The following ANKRD22 variants were observed in gnomAD, a reference collection of about 807,000 sequenced individuals.
ANKRD22 encodes ankyrin repeat domain-containing protein 22.
Under a neutral mutation model 25.7 loss-of-function variants are expected in ANKRD22, and 24 were observed. That is an observed-to-expected ratio of 0.93 (90% CI 0.68 to 1.31). The LOEUF (loss-of-function observed/expected upper bound fraction) is 1.31, where lower values mean the gene tolerates loss of function less well. Among genes scored for constraint, ANKRD22 ranks in the 50% most tolerant of loss-of-function variants. The pLI, the probability that ANKRD22 is intolerant of heterozygous loss-of-function variation, is 0.00. For missense variants in ANKRD22, 214 were observed against 227.1 expected (o/e 0.94, Z 0.37); for synonymous variants, 84 against 84.3 (o/e 1.00, Z 0.02).
In ANKRD22 at chr10:88,820,237, T is replaced by C. The variant is rs1387419840; in HGVS notation, c.*2704A>G. Reference sequence around the variant, plus strand: ...GAACTATTCCTTTTCTCTAGCCAACTCCTGTAAGGTACAGAGTCAGAGATA... The same window carrying C: ...GAACTATTCCTTTTCTCTAGCCAACCCCTGTAAGGTACAGAGTCAGAGATA... On this transcript the variant is annotated 3_prime_UTR_variant, in exon 6 of 6. Transcript: ENST00000371930. 35 of 1,549,960 alleles carry C rather than the reference T, an allele frequency of 2.3e-5. No homozygotes were observed. The highest frequency in any genetic ancestry group is 2.9e-5 in the Non-Finnish European group (33 of 1,146,498).
chr10:88,823,010 C>A lies in ANKRD22; in HGVS notation c.507G>T (p.Glu169Asp), dbSNP rs147322041. 56 of 1,613,276 alleles carry A rather than the reference C, an allele frequency of 3.5e-5. No homozygotes were observed. In the African/African-American group the frequency reaches 6.7e-4, roughly 19 times the overall value. ...ADPTIKNKHGESSLDIARRLK... is the reference protein window; with the variant it reads ...ADPTIKNKHGDSSLDIARRLK... ...ATCTCCGTGCAATATCCAGTGAGCT[C>A]TCACCATGCTGAGGGGGGAAAAATA... Residue 169 changes from glutamate to aspartate, a missense_variant, in exon 6 of 6, where the codon GAG (glutamate) becomes GAT (aspartate). Glu to Asp is a conservative substitution (Grantham distance 45). Coordinates refer to ENST00000371930, the MANE Select transcript of ANKRD22 (RefSeq NM_144590.3).
At chr10:88,836,909 G>T (rs1389680927) in intron 1 of ANKRD22, among the ~76,000 whole-genome samples, 4 of 152,240 alleles carry the variant, frequency 2.6e-5, no homozygotes, top group African/African-American at 9.6e-5. Context: ...TAGCAGCCAT[G>T]CAGAGGCCAA....
rs564890821 is a variant in ANKRD22 at position 88,826,090 on chromosome 10, G to T, written c.347C>A (p.Ala116Asp). The part of the protein sequence containing the change: ...LMVSKTKQNE[A>D]LVRMLLDAGV... ...AGCATCAAGTAGCATTCGTACAAGA[G>T]CCTCATTCTGCTTTGTCTTTGATAC... The change falls in exon 4 of 6, where the codon GCT becomes GAT. Residue 116 changes from alanine to aspartate, a missense_variant. Coordinates refer to ENST00000371930, the MANE Select transcript of ANKRD22 (RefSeq NM_144590.3). 1.9e-6 allele frequency: 3 copies of T among 1,612,668 alleles called. 1 individual carries two copies. In the South Asian group the frequency reaches 3.3e-5, roughly 18 times the overall value.
At chr10:88,841,566 G>A (rs1844004123) in intron 1 of ANKRD22, among the ~76,000 whole-genome samples, 1 of 152,096 alleles carries the variant, frequency 6.6e-6, no homozygotes, top group Admixed American at 6.6e-5. Flanking sequence ...ACCAGCAACA[G>A]GAACTGGCAT....
rs1843808710 is a variant in ANKRD22, at chr10:88,822,544, C to CTTTTTTCTTTT, written c.*396_*397insAAAAGAAAAAA. ...AAAGACTGAGTTTGGAACACCAGGG[C>CTTTTTTCTTTT]TTTTTTTTTTTTTTTTTTTTTTGAG... On this transcript the variant is annotated 3_prime_UTR_variant, in exon 6 of 6. Coordinates refer to ENST00000371930, the MANE Select transcript of ANKRD22 (RefSeq NM_144590.3). 3 of 36,438 alleles carry CTTTTTTCTTTT rather than the reference C, an allele frequency of 8.2e-5. No individual in the cohort carries two copies. The highest frequency in any genetic ancestry group is 2.4e-4 in the African/African-American group (3 of 12,514). 2.3% of individuals were successfully genotyped at this position (36,438 alleles called of 1,614,324 possible). A position where few individuals can be genotyped will look rare whatever the true frequency, so the allele number is the denominator to read the frequency against.
At chr10:88,847,832 G>A (rs1242179343) in intron 1 of ANKRD22, among the ~76,000 whole-genome samples, 1 of 151,852 alleles carries the variant, frequency 6.6e-6, no homozygotes, top group African/African-American at 2.4e-5. Flanking sequence ...TGGCCCCATG[G>A]AGGCAGAGTG....
rs1030079557 is a variant in ANKRD22 at position 88,821,176 on chromosome 10, A to G, written c.*1765T>C. Reference sequence around the variant, plus strand: ...CTAGTCCAAGCTTGTTGGAAGGTTTACAGCTTGTTGCTAGGAGACCTAATG... The same window carrying G: ...CTAGTCCAAGCTTGTTGGAAGGTTTGCAGCTTGTTGCTAGGAGACCTAATG... On this transcript the variant is annotated 3_prime_UTR_variant, in exon 6 of 6. Coordinates refer to ENST00000371930, the MANE Select transcript of ANKRD22 (RefSeq NM_144590.3). Among the ~76,000 whole-genome samples the G allele has an allele frequency of 2.6e-5, 4 of 152,368 alleles. No homozygotes were observed. The highest frequency in any genetic ancestry group is 3.9e-4 in the East Asian group (2 of 5,190).
At chr10:88,843,083 G>A (rs184013882) in intron 1 of ANKRD22, among the ~76,000 whole-genome samples, 3 of 152,104 alleles carry the variant, frequency 2.0e-5, no homozygotes, top group East Asian at 1.9e-4. Flanking sequence ...TTCCATTAGC[G>A]TGCAGCTCTG....
chr10:88,829,814 C>A (rs1843888145), intron 2 of ANKRD22, among the ~76,000 whole-genome samples: 1 of 152,186 alleles, frequency 6.6e-6, no homozygotes, highest in Non-Finnish European at 1.5e-5. Flanking sequence ...TCTTGCTTTG[C>A]CACCTAGGCG....
intron 1 of ANKRD22, among the ~76,000 whole-genome samples, chr10:88,848,123 G>C (rs1367301220): frequency 6.7e-6 from 1 of 149,718 alleles, no homozygotes; most frequent in African/African-American, 2.5e-5. Flanking sequence ...CAAATTTTCA[G>C]ATTAGGGATG....
intron 3 of ANKRD22, among the ~76,000 whole-genome samples, chr10:88,827,934 T>C (rs1021120429): frequency 6.6e-6 from 1 of 152,134 alleles, no homozygotes; most frequent in African/African-American, 2.4e-5. Flanking sequence ...GTTACCCTAT[T>C]GGGAAAAAAA....
Position 88,820,243 on chromosome 10 carries a change from A to G in ANKRD22, c.*2698T>C. The G allele has an allele frequency of 1.9e-6, 3 of 1,551,020 alleles. No homozygotes were observed. The highest frequency in any genetic ancestry group is 2.0e-5 in the Admixed American group (1 of 50,944). On this transcript the variant is annotated 3_prime_UTR_variant, in exon 6 of 6. Coordinates refer to ENST00000371930, the MANE Select transcript of ANKRD22 (RefSeq NM_144590.3). ...TTCCTTTTCTCTAGCCAACTCCTGT[A>G]AGGTACAGAGTCAGAGATATGACGG...
At chr10:88,849,732 A>C (rs913516114) in intron 1 of ANKRD22, among the ~76,000 whole-genome samples, 2 of 152,160 alleles carry the variant, frequency 1.3e-5, no homozygotes, top group Non-Finnish European at 2.9e-5. Context: ...ATTATGAACA[A>C]ATACCTTTGA....
At chr10:88,846,490 G>A (rs925807993) in intron 1 of ANKRD22, among the ~76,000 whole-genome samples, 2 of 152,264 alleles carry the variant, frequency 1.3e-5, no homozygotes, top group East Asian at 1.9e-4. Context: ...AAGCATAAAA[G>A]TTGTCAAGGA....
intron 1 of ANKRD22, among the ~76,000 whole-genome samples, chr10:88,850,344 A>G (rs181415039): frequency 9.9e-5 from 15 of 152,036 alleles, no homozygotes; most frequent in Admixed American, 9.8e-4. Context: ...GCAGAATCTT[A>G]GGTCCCACCC....
intron 1 of ANKRD22, among the ~76,000 whole-genome samples, chr10:88,843,635 T>C (rs996221986): frequency 6.6e-6 from 1 of 152,184 alleles, no homozygotes; most frequent in South Asian, 2.1e-4. Flanking sequence ...TGGTTATTAC[T>C]ATAAAGTCCA....
rs113459404 is a variant in ANKRD22 at position 88,849,006 on chromosome 10, A to ATGTGTGTGTGTG, written c.21+2569_21+2580dup. Among the ~76,000 whole-genome samples the ATGTGTGTGTGTG allele has an allele frequency of 7.8e-3, 1,167 of 149,222 alleles. 10 individuals carry two copies. Among genetic ancestry groups the ATGTGTGTGTGTG allele is most frequent in the African/African-American group, 0.021 (844 of 40,746 alleles). Reference sequence around the variant, plus strand: ...TTTAAGTTTGTGTGTGTGCATGTGCATGTGTGTGTGTGTGTGTGTGTGGGT... The same window carrying ATGTGTGTGTGTG: ...TTTAAGTTTGTGTGTGTGCATGTGCATGTGTGTGTGTGTGTGTGTGTGTGTGTGTGTGTGGGT... On this transcript the variant is annotated intron_variant, in intron 1 of 5. Transcript: ENST00000371930.
intron 1 of ANKRD22, among the ~76,000 whole-genome samples, chr10:88,844,226 A>G (rs890538611): frequency 6.6e-6 from 1 of 152,168 alleles, no homozygotes; most frequent in Non-Finnish European, 1.5e-5. Context: ...TAGGAATAGC[A>G]GGAAGGTCAG....
chr10:88,850,314 T>C (rs1844092587), intron 1 of ANKRD22, among the ~76,000 whole-genome samples: 1 of 151,822 alleles, frequency 6.6e-6, no homozygotes, highest in South Asian at 2.1e-4. Context: ...CCACATGCAA[T>C]CTGAAAAAGC....
Sources: allele counts gnomAD v4.1 joint callset (sites outside exome capture counted in the v4.1 genomes callset), GRCh38; gene constraint gnomAD v4.1.1; transcripts MANE v1.5; gene names NCBI Gene and HGNC (gene_info 2026-07-23, HGNC 2026-07-21).